The following CNTN1 variants were observed in gnomAD, a reference collection of about 807,000 sequenced individuals.
CNTN1 encodes contactin 1, also known as contactin-1.
Under a neutral mutation model 126.4 loss-of-function variants are expected in CNTN1, and 38 were observed. That is an observed-to-expected ratio of 0.30 (90% confidence interval 0.23 to 0.39). The LOEUF (loss-of-function observed/expected upper bound fraction) is 0.39, where lower values mean the gene tolerates loss of function less well. CNTN1 is among the 10% of genes least tolerant of loss of function. The pLI, the probability that CNTN1 is intolerant of heterozygous loss-of-function variation, is 1.00. For synonymous variants in CNTN1, 413 were observed against 422.6 expected, an observed-to-expected ratio of 0.98 and a Z score of 0.28; for missense variants, 1,009 against 1,248.4, an observed-to-expected ratio of 0.81 and a Z score of 2.89.
intron 1 of CNTN1, among the ~76,000 whole-genome samples, chr12:40,772,493 A>G (rs1394789317): frequency 6.6e-6 from 1 of 151,990 alleles, no homozygotes; most frequent in African/African-American, 2.4e-5. Flanking sequence ...AGATATTAAT[A>G]CTTGCCACAG....
intron 1 of CNTN1, among the ~76,000 whole-genome samples, chr12:40,900,044 C>T (rs1944553023): frequency 6.6e-6 from 1 of 152,008 alleles, no homozygotes; most frequent in African/African-American, 2.4e-5. Flanking sequence ...TCCATGTAAT[C>T]CCTTTAAGTC....
intron 1 of CNTN1, among the ~76,000 whole-genome samples, chr12:40,741,012 A>T (rs767808876): frequency 6.6e-6 from 1 of 151,926 alleles, no homozygotes; most frequent in Admixed American, 6.6e-5. Flanking sequence ...TACCCCTCCT[A>T]TACACCTGGC....
At chr12:40,933,393 A>G (rs950873423) in intron 7 of CNTN1, 68 bp from the exon 8 acceptor site, 1 of 1,083,856 alleles carries the variant, frequency 9.2e-7, no homozygotes, top group Admixed American at 1.7e-5. Context: ...CTGTAGAATT[A>G]CCATGTTTAA....
Position 40,856,589 on chromosome 12 carries a change from AG to A in CNTN1, c.-76-51767del, listed in dbSNP as rs370030334. On this transcript the variant is annotated intron_variant, in intron 1 of 23. Transcript: ENST00000551295. Reference sequence around the variant, plus strand: ...GTTGAGGGCTTTGCGTGCTAATTTCAGAAAGTCGATTTTGAGGGATAGTGAA... The same window carrying A: ...GTTGAGGGCTTTGCGTGCTAATTTCAAAAGTCGATTTTGAGGGATAGTGAA... 2.8e-3 allele frequency among the ~76,000 whole-genome samples: 430 copies of A among 152,288 alleles called. 1 individual carries two copies. The highest frequency in any genetic ancestry group is 9.9e-3 in the African/African-American group (413 of 41,576).
At chr12:40,742,279 A>G (rs1937975792) in intron 1 of CNTN1, 1 of 152,144 alleles carries the variant, frequency 6.6e-6, no homozygotes, top group Non-Finnish European at 1.5e-5. Flanking sequence ...TGAGTTTACA[A>G]TAGCTTAAAT....
At chr12:40,936,063 TAATC>T (rs1189606988) in intron 9 of CNTN1, among the ~76,000 whole-genome samples, 1 of 152,138 alleles carries the variant, frequency 6.6e-6, no homozygotes, top group East Asian at 1.9e-4. Flanking sequence ...ATAACTGAAA[TAATC>T]AAAAAGACTG....
At chr12:41,063,156 A>G (rs1949974886) in intron 23 of CNTN1, among the ~76,000 whole-genome samples, 1 of 152,254 alleles carries the variant, frequency 6.6e-6, no homozygotes, top group African/African-American at 2.4e-5. Context: ...ACTCATAAAA[A>G]TGGATCCAGT....
intron 1 of CNTN1, among the ~76,000 whole-genome samples, chr12:40,836,114 G>GTA (rs376487644): frequency 5.5e-5 from 8 of 145,394 alleles, no homozygotes; most frequent in African/African-American, 2.0e-4. Flanking sequence ...ACATATACAG[G>GTA]TATATATATA....
chr12:40,855,262 G>T (rs1171163130), intron 1 of CNTN1, among the ~76,000 whole-genome samples: 2 of 151,954 alleles, frequency 1.3e-5, no homozygotes, highest in East Asian at 3.9e-4. Context: ...TTCATCATAA[G>T]TTTAAACCGT....
At chr12:40,803,110 G>T (rs1430791103) in intron 1 of CNTN1, among the ~76,000 whole-genome samples, 1 of 151,896 alleles carries the variant, frequency 6.6e-6, no homozygotes, top group East Asian at 1.9e-4. Context: ...TGGAAATTTT[G>T]CTCAACTTTA....
At chr12:40,982,398 A>T (rs1947842817) in intron 16 of CNTN1, among the ~76,000 whole-genome samples, 1 of 152,210 alleles carries the variant, frequency 6.6e-6, no homozygotes, top group South Asian at 2.1e-4. Context: ...ATCTAGCCAC[A>T]TTAAAATAAG....
intron 1 of CNTN1, among the ~76,000 whole-genome samples, chr12:40,772,928 T>G (rs1939399514): frequency 6.6e-6 from 1 of 151,884 alleles, no homozygotes; most frequent in Admixed American, 6.6e-5. Context: ...ATGCACTGTG[T>G]CAAGCTCAGG....
intron 23 of CNTN1, among the ~76,000 whole-genome samples, chr12:41,052,921 C>A (rs1216362414): frequency 6.6e-6 from 1 of 151,168 alleles, no homozygotes; most frequent in African/African-American, 2.4e-5. Context: ...AATGTGAGAG[C>A]CAATAAAATC....
At chr12:40,737,285 A>ATGTGTGTGTGTGTGTGTGTGTGTG (rs34925321) in intron 1 of CNTN1, among the ~76,000 whole-genome samples, 1 of 141,154 alleles carries the variant, frequency 7.1e-6, no homozygotes, top group African/African-American at 2.6e-5. Context: ...TAGGATATAT[A>ATGTGTGTGTGTGTGTGTGTGTGTG]TGTGTGTGTG....
intron 1 of CNTN1, among the ~76,000 whole-genome samples, chr12:40,833,551 A>G (rs527485553): frequency 7.1e-6 from 1 of 140,164 alleles, no homozygotes; most frequent in South Asian, 2.3e-4. Flanking sequence ...ACATGAAATA[A>G]ATTAGCCAAG....
chr12:40,794,909 G>C (rs1940354330), intron 1 of CNTN1, among the ~76,000 whole-genome samples: 1 of 152,066 alleles, frequency 6.6e-6, no homozygotes, highest in Admixed American at 6.6e-5. Flanking sequence ...ATATAAAGGA[G>C]TTGTGATTAT....
At chr12:40,989,485 A>G (rs1466372227) in intron 16 of CNTN1, among the ~76,000 whole-genome samples, 2 of 152,160 alleles carry the variant, frequency 1.3e-5, no homozygotes, top group Admixed American at 6.6e-5. Context: ...GGCTGAATAC[A>G]TGACAATATA....
rs557646441 is a variant in CNTN1 at position 41,071,071 on chromosome 12, T to C, written c.*1036T>C. The C allele has an allele frequency of 1.4e-5, 2 of 147,558 alleles. No individual in the cohort carries two copies. Among genetic ancestry groups the C allele is most frequent in the Admixed American group, 1.4e-4 (2 of 14,656 alleles). The allele number at this position is 147,558 out of a possible 1,614,324, so 9.1% of individuals were successfully genotyped here. On this transcript the variant is annotated 3_prime_UTR_variant, in exon 24 of 24. Transcript: ENST00000551295. ...GTTGAAAAAGCTACCGTATTCCATT[T>C]TGTAAAAATAACAATAATAATAATA...
rs1948133411 is a variant in CNTN1, at chr12:40,993,176, T to C, written c.2020T>C (p.Trp674Arg). The C allele has an allele frequency of 3.7e-6, 6 of 1,613,506 alleles. No individual in the cohort carries two copies. Among genetic ancestry groups the C allele is most frequent in the African/African-American group, 2.7e-5 (2 of 75,044 alleles). Residue 674 changes from tryptophan to arginine, a missense_variant, in exon 17 of 24, where the codon TGG becomes CGG. By Grantham distance (101) the Trp-to-Arg change is moderately radical. Coordinates refer to ENST00000551295, the MANE Select transcript of CNTN1 (RefSeq NM_001843.4). The part of the protein sequence containing the change: ...EAARAVDLIP[W>R]MEYEFRVVAT... ...AGCAAGAGCAGTGGACTTAATCCCATGGATGGAGTATGAATTCCGCGTGGT... is the reference window on the plus strand; with the variant it reads ...AGCAAGAGCAGTGGACTTAATCCCACGGATGGAGTATGAATTCCGCGTGGT...
Sources: allele counts gnomAD v4.1 joint callset (sites outside exome capture counted in the v4.1 genomes callset), GRCh38; gene constraint gnomAD v4.1.1; transcripts MANE v1.5; gene names NCBI Gene and HGNC (gene_info 2026-07-23, HGNC 2026-07-21).